Variants in RGS7 observed in about 807,000 individuals in gnomAD.
RGS7 encodes regulator of G protein signaling 7, also known as regulator of G-protein signaling 7.
RGS7 carries 27 observed loss-of-function variants against 81.1 expected under a neutral mutation model. That is an observed-to-expected ratio of 0.33 (90% confidence interval 0.25 to 0.46). The LOEUF (loss-of-function observed/expected upper bound fraction) is 0.46, where lower values mean the gene tolerates loss of function less well. RGS7 is among the 20% of genes least tolerant of loss of function. RGS7 has a pLI of 1.00. For missense variants in RGS7, 396 were observed against 607.4 expected, an observed-to-expected ratio of 0.65 and a Z score of 3.66; for synonymous variants, 208 against 207.7, an observed-to-expected ratio of 1.00 and a Z score of -0.01.
intron 2 of RGS7, among the ~76,000 whole-genome samples, chr1:241,182,171 G>A (rs1018019879): frequency 2.0e-5 from 3 of 152,136 alleles, no homozygotes; most frequent in African/African-American, 7.2e-5. Context: ...CCCTGAACTG[G>A]ATCCCTGCCA....
intron 3 of RGS7, among the ~76,000 whole-genome samples, chr1:241,009,046 T>A: frequency 6.6e-6 from 1 of 152,096 alleles, no homozygotes; most frequent in East Asian, 1.9e-4. Context: ...CATTGTTTCG[T>A]AAAATGTAAT....
chr1:241,021,750 C>A (rs10926393), intron 3 of RGS7, among the ~76,000 whole-genome samples: 12,316 of 152,130 alleles, frequency 0.081, 560 homozygotes, highest in Middle Eastern at 0.16. Context: ...TGGTAATATA[C>A]CACTTTCGTA....
intron 2 of RGS7, among the ~76,000 whole-genome samples, chr1:241,317,377 C>T (rs1379336139): frequency 6.6e-6 from 1 of 152,208 alleles, no homozygotes; most frequent in Non-Finnish European, 1.5e-5. Flanking sequence ...TGAAATACTA[C>T]AAGCCAGCTC....
At chr1:241,182,365 T>A (rs1306036765) in intron 2 of RGS7, among the ~76,000 whole-genome samples, 5 of 152,176 alleles carry the variant, frequency 3.3e-5, no homozygotes, top group African/African-American at 1.2e-4. Context: ...GCTCTAAAAA[T>A]GGAGACAGTA....
intron 2 of RGS7, among the ~76,000 whole-genome samples, chr1:241,306,495 TAC>T (rs975437493): frequency 2.1e-5 from 3 of 144,886 alleles, no homozygotes; most frequent in African/African-American, 7.8e-5. Context: ...CACACATTGT[TAC>T]ACAAACACCC....
At chr1:241,085,982 A>C (rs1285435386) in intron 3 of RGS7, among the ~76,000 whole-genome samples, 1 of 152,190 alleles carries the variant, frequency 6.6e-6, no homozygotes, top group South Asian at 2.1e-4. Flanking sequence ...AAGTGAACTA[A>C]GGCCAGAAAC....
rs550673878 is a variant in RGS7 at position 240,939,521 on chromosome 1, G to T, written c.227-2815C>A. On this transcript the variant is annotated intron_variant, in intron 4 of 18. Coordinates refer to ENST00000440928, the MANE Select transcript of RGS7 (RefSeq NM_001364886.1). ...ATAGTTGGCCCATAACAAATGAGCA[G>T]GTGGTTATAGTCCTGGTTAAATTCT... Among the ~76,000 whole-genome samples, 6 of 152,246 alleles carry T rather than the reference G, an allele frequency of 3.9e-5. No homozygotes were observed. In the South Asian group the frequency reaches 1.2e-3, roughly 32 times the overall value.
chr1:241,243,380 T>C (rs1198795878), intron 2 of RGS7, among the ~76,000 whole-genome samples: 1 of 152,190 alleles, frequency 6.6e-6, no homozygotes, highest in East Asian at 1.9e-4. Context: ...GTGATATGAT[T>C]TGAATTCTAC....
intron 2 of RGS7, among the ~76,000 whole-genome samples, chr1:241,346,949 G>T (rs2148721794): frequency 6.6e-6 from 1 of 152,224 alleles, no homozygotes. Flanking sequence ...TGTGTTAATA[G>T]CCATATTAGT....
At chr1:241,145,763 TA>T (rs1361741867) in intron 2 of RGS7, among the ~76,000 whole-genome samples, 1 of 152,022 alleles carries the variant, frequency 6.6e-6, no homozygotes, top group African/African-American at 2.4e-5. Context: ...AACAAATAAA[TA>T]AATTAAATAA....
chr1:240,870,339 G>A (rs1664258652), intron 6 of RGS7, among the ~76,000 whole-genome samples: 1 of 151,902 alleles, frequency 6.6e-6, no homozygotes, highest in Non-Finnish European at 1.5e-5. Context: ...AAGAAACTTG[G>A]TAACTTTTTT....
Position 241,206,053 on chromosome 1 carries a change from G to A in RGS7, c.79-107291C>T, listed in dbSNP as rs1005611497. Among the ~76,000 whole-genome samples the A allele has an allele frequency of 6.0e-5, 9 of 150,676 alleles. No individual in the cohort carries two copies. In the South Asian group the frequency reaches 1.9e-3, roughly 32 times the overall value. Reference sequence around the variant, plus strand: ...GTTTAACCCACTAGCAAATTCAGTTGACTCAGCCCCCAAAACACACCTGAG... The same window carrying A: ...GTTTAACCCACTAGCAAATTCAGTTAACTCAGCCCCCAAAACACACCTGAG... On this transcript the variant is annotated intron_variant, in intron 2 of 18. Transcript: ENST00000440928.
intron 4 of RGS7, among the ~76,000 whole-genome samples, chr1:240,978,818 T>C (rs1684518367): frequency 1.3e-5 from 2 of 152,188 alleles, no homozygotes; most frequent in Non-Finnish European, 1.5e-5. Context: ...AATAACTGCT[T>C]TACACTGTAT....
intron 6 of RGS7, chr1:240,919,864 T>C: frequency 1.2e-6 from 1 of 869,200 alleles, no homozygotes. Flanking sequence ...GATGTGGCCA[T>C]GAATGGAAGG....
intron 3 of RGS7, among the ~76,000 whole-genome samples, chr1:241,034,614 T>C (rs2060240497): frequency 6.6e-6 from 1 of 152,168 alleles, no homozygotes; most frequent in Non-Finnish European, 1.5e-5. Context: ...AAATACCAAA[T>C]AACATTACAC....
intron 3 of RGS7, among the ~76,000 whole-genome samples, chr1:241,085,359 A>G (rs984053852): frequency 6.6e-6 from 1 of 152,174 alleles, no homozygotes; most frequent in Non-Finnish European, 1.5e-5. Context: ...TATTACCTGA[A>G]GTTTAACAAA....
intron 4 of RGS7, among the ~76,000 whole-genome samples, chr1:240,967,753 T>G (rs919286131): frequency 2.6e-5 from 4 of 152,166 alleles, no homozygotes; most frequent in African/African-American, 7.2e-5. Context: ...CAAAGAAGAC[T>G]GGACAGACAG....
At chr1:240,954,158 G>A (rs1013327835) in intron 4 of RGS7, among the ~76,000 whole-genome samples, 1 of 151,904 alleles carries the variant, frequency 6.6e-6, no homozygotes, top group African/African-American at 2.4e-5. Flanking sequence ...AATTTTACTG[G>A]TGAATTCTAT....
At position 241,283,507 on chromosome 1, in the gene RGS7, T is replaced by C. The variant is rs114280011; in HGVS notation, c.78+72192A>G. ...AATGTTTCTGATGAAAAATCTAATT[T>C]TTCCCCCAGTAGGTAAGATGTCACT... On this transcript the variant is annotated intron_variant, in intron 2 of 18. Transcript: ENST00000440928. Among the ~76,000 whole-genome samples, 1,495 of 152,262 alleles carry C rather than the reference T, an allele frequency of 9.8e-3. 11 individuals carry two copies. The highest frequency in any genetic ancestry group is 0.019 in the African/African-American group (791 of 41,560).
Sources: gnomAD v4.1 joint callset for allele counts (sites outside exome capture counted in the v4.1 genomes callset) on GRCh38, gnomAD v4.1.1 for gene constraint, MANE v1.5 for transcripts, NCBI Gene and HGNC (gene_info 2026-07-23, HGNC 2026-07-21) for gene names.